PPP4R3A: variants seen among roughly 807,000 people sequenced by gnomAD.
The protein encoded by PPP4R3A is serine/threonine-protein phosphatase 4 regulatory subunit 3A.
In PPP4R3A, 15 loss-of-function variants were observed where a neutral mutation model predicts 91.7. The ratio of observed to expected loss-of-function variants is 0.16; its 90% CI spans 0.11 to 0.25. PPP4R3A has a LOEUF of 0.25. Ranked by LOEUF, PPP4R3A falls within the 10% of genes least tolerant of loss-of-function variation. The pLI, the probability that PPP4R3A is intolerant of heterozygous loss-of-function variation, is 1.00. For synonymous variants in PPP4R3A, 377 were observed against 348.7 expected (o/e 1.08, Z -0.91); for missense variants, 623 against 998.4 (o/e 0.62, Z 5.07).
chr14:91,470,440 T>C (rs140737340), intron 10 of PPP4R3A, among the ~76,000 whole-genome samples: 1 of 152,318 alleles, frequency 6.6e-6, no homozygotes, highest in East Asian at 1.9e-4. Flanking sequence ...ATATGGTCTC[T>C]GTACCATATT....
rs760473921 is a variant in PPP4R3A, at chr14:91,482,103, A to G, written c.388T>C (p.Leu130=). The G allele has an allele frequency of 3.7e-6, 6 of 1,614,160 alleles. No individual in the cohort carries two copies. In the South Asian group the frequency reaches 5.5e-5, roughly 15 times the overall value. Residue 130 remains leucine (L), a synonymous_variant, in exon 4 of 15, where the codon TTA becomes CTA. Transcript: ENST00000554943. ...ERFDDMSSPG[L]ELPSCELSRL... is the part of the protein sequence containing the mutation. ...CTTAATTCACAAGATGGCAATTCTA[A>G]GCCTGGCGATGACATATCATCAAAA... is the stretch of plus-strand genomic sequence containing the variant.
At chr14:91,469,320 TAAAAC>T (rs1265664190) in intron 10 of PPP4R3A, among the ~76,000 whole-genome samples, 1 of 152,168 alleles carries the variant, frequency 6.6e-6, no homozygotes, top group African/African-American at 2.4e-5. Flanking sequence ...TTTGGTAAAA[TAAAAC>T]AATTTATTCA....
At chr14:91,484,355 A>G (rs1163684869) in intron 3 of PPP4R3A, among the ~76,000 whole-genome samples, 3 of 152,212 alleles carry the variant, frequency 2.0e-5, no homozygotes, top group Non-Finnish European at 4.4e-5. Context: ...AGGGTGCATC[A>G]GAATCACCAA....
In PPP4R3A at chr14:91,509,736, C is replaced by G. The variant is rs1181137754; in HGVS notation, c.-89G>C. ...AGGCGAGGGGCGAGGCGTGAGGGCG[C>G]CCGCGAGCGGAGGGCTCCCCGGCCT... is the stretch of plus-strand genomic sequence containing the variant. On this transcript the variant is annotated 5_prime_UTR_variant, in exon 1 of 15. Transcript: ENST00000554943. 9 of 1,393,456 alleles carry G rather than the reference C, an allele frequency of 6.5e-6. No individual in the cohort carries two copies. Among genetic ancestry groups the G allele is most frequent in the Admixed American group, 3.5e-5 (1 of 28,906 alleles). The allele number at this position is 1,393,456 out of a possible 1,614,324, so 86.3% of individuals were successfully genotyped here.
chr14:91,460,615 ATT>A (rs1198147718), intron 14 of PPP4R3A, among the ~76,000 whole-genome samples: 1 of 123,816 alleles, frequency 8.1e-6, no homozygotes, highest in Admixed American at 7.9e-5. Flanking sequence ...TGTTTTCTAC[ATT>A]TTTTCTTAAG....
At chr14:91,475,523 A>T (rs1889143725) in intron 7 of PPP4R3A, 2 of 268,726 alleles carry the variant, frequency 7.4e-6, no homozygotes, top group South Asian at 1.0e-4. Context: ...TTGATTGACT[A>T]AATGATTTAA....
At chr14:91,499,033 C>A (rs1890772767) in intron 1 of PPP4R3A, among the ~76,000 whole-genome samples, 1 of 151,894 alleles carries the variant, frequency 6.6e-6, no homozygotes, top group East Asian at 1.9e-4. Context: ...GATCTGCCCC[C>A]GCCCTGGCCT....
chr14:91,492,747 G>A (rs949113750), intron 1 of PPP4R3A, among the ~76,000 whole-genome samples: 3 of 152,092 alleles, frequency 2.0e-5, no homozygotes, highest in African/African-American at 7.3e-5. Context: ...TTTGGCTTAG[G>A]ACGCTCAGAT....
At chr14:91,480,424 C>G (rs547757009) in intron 4 of PPP4R3A, among the ~76,000 whole-genome samples, 1 of 152,304 alleles carries the variant, frequency 6.6e-6, no homozygotes, top group Admixed American at 6.5e-5. Flanking sequence ...CACAGGCACA[C>G]CCCTTAGCAA....
At position 91,507,394 on chromosome 14, in the gene PPP4R3A, T is replaced by TATACTATAATTATATATACTATATA. The variant is rs1566660222; in HGVS notation, c.142+2111_142+2112insTATATAGTATATATAATTATAGTAT. Reference sequence around the variant, plus strand: ...ATAATTATATATACTATATAGTATATGTACTATAATTATATATACTATATA... The same window carrying TATACTATAATTATATATACTATATA: ...ATAATTATATATACTATATAGTATATATACTATAATTATATATACTATATAGTACTATAATTATATATACTATATA... On this transcript the variant is annotated intron_variant, in intron 1 of 14. Coordinates refer to ENST00000554943, the MANE Select transcript of PPP4R3A (RefSeq NM_001366432.2). Among the ~76,000 whole-genome samples the TATACTATAATTATATATACTATATA allele has an allele frequency of 4.8e-3, 288 of 59,662 alleles. 6 individuals are homozygous for TATACTATAATTATATATACTATATA. The highest frequency in any genetic ancestry group is 0.016 in the South Asian group (32 of 1,954). 39.1% of individuals were successfully genotyped at this position (59,662 alleles called of 152,430 possible). A position where few individuals can be genotyped will look rare whatever the true frequency, so the allele number is the denominator to read the frequency against.
rs559832581 is a variant in PPP4R3A, at chr14:91,474,689, C to A, written c.1266+1122G>T. Reference sequence around the variant, plus strand: ...CCAGACTGGAGTGCAGTGGAGCAATCATAGCTCACTGCAGAGTCAAACTCC... The same window carrying A: ...CCAGACTGGAGTGCAGTGGAGCAATAATAGCTCACTGCAGAGTCAAACTCC... On this transcript the variant is annotated intron_variant, in intron 7 of 14. Transcript: ENST00000554943. 13 of 151,228 alleles carry A rather than the reference C, an allele frequency of 8.6e-5. No homozygotes were observed. The South Asian group carries it at 2.7e-3, about 32-fold the overall frequency. 9.4% of individuals were successfully genotyped at this position (151,228 alleles called of 1,614,324 possible). A position where few individuals can be genotyped will look rare whatever the true frequency, so the allele number is the denominator to read the frequency against.
chr14:91,486,921 AAAAT>A (rs1889923921), intron 2 of PPP4R3A, among the ~76,000 whole-genome samples: 1 of 134,022 alleles, frequency 7.5e-6, no homozygotes, highest in East Asian at 2.1e-4. Flanking sequence ...AAAAAAAAAA[AAAAT>A]AGAGAGTCAA....
At chr14:91,462,619 TTGCTATC>T (rs1888230237) in intron 12 of PPP4R3A, 109 bp downstream of exon 12, 1 of 1,147,202 alleles carries the variant, frequency 8.7e-7, no homozygotes, top group African/African-American at 1.6e-5. Flanking sequence ...CAATTTCTAT[TTGCTATC>T]TGCTGATTTC....
At chr14:91,471,102 ATATATTAACTT>A in intron 9 of PPP4R3A, 107 bp from the exon 10 acceptor site, 8 of 1,052,160 alleles carry the variant, frequency 7.6e-6, no homozygotes, top group African/African-American at 1.6e-5. Context: ...ATTAACCTAA[ATATATTAACTT>A]TAGGGAGGAG....
intron 1 of PPP4R3A, among the ~76,000 whole-genome samples, chr14:91,504,516 C>T (rs1240859205): frequency 6.6e-6 from 1 of 151,356 alleles, no homozygotes; most frequent in Non-Finnish European, 1.5e-5. Context: ...GCGGGAGAAT[C>T]GCTTGAACCC....
chr14:91,475,692 G>T, intron 7 of PPP4R3A, 119 bp downstream of exon 7: 3 of 970,546 alleles, frequency 3.1e-6, no homozygotes, highest in Non-Finnish European at 4.5e-6. Context: ...ACAATAAGCT[G>T]TCTGATATTA....
At chr14:91,466,826 A>C (rs1888496329) in intron 10 of PPP4R3A, among the ~76,000 whole-genome samples, 1 of 152,150 alleles carries the variant, frequency 6.6e-6, no homozygotes, top group African/African-American at 2.4e-5. Context: ...AGTACTTTAG[A>C]GCTCATGCTA....
At chr14:91,491,596 G>A (rs1317965639) in intron 1 of PPP4R3A, among the ~76,000 whole-genome samples, 1 of 151,690 alleles carries the variant, frequency 6.6e-6, no homozygotes, top group Non-Finnish European at 1.5e-5. Context: ...TAGTAGAGAT[G>A]GTGTTTCACC....
intron 2 of PPP4R3A, among the ~76,000 whole-genome samples, chr14:91,487,541 A>T (rs1267627461): frequency 6.6e-6 from 1 of 152,182 alleles, no homozygotes; most frequent in Non-Finnish European, 1.5e-5. Flanking sequence ...AAAATAATTC[A>T]ATCTGACTAG....
Sources: allele counts gnomAD v4.1 joint callset (sites outside exome capture counted in the v4.1 genomes callset), GRCh38; gene constraint gnomAD v4.1.1; transcripts MANE v1.5; gene names NCBI Gene and HGNC (gene_info 2026-07-23, HGNC 2026-07-21).